LINGO2: variants seen among roughly 807,000 people sequenced by gnomAD.
LINGO2 encodes the protein leucine rich repeat and Ig domain containing 2.
A neutral mutation model predicts 30.6 loss-of-function variants in LINGO2; 14 were observed. The ratio of observed to expected loss-of-function variants is 0.46; its 90% CI spans 0.30 to 0.72. The LOEUF (loss-of-function observed/expected upper bound fraction) is 0.72, where lower values mean the gene tolerates loss of function less well. Ranked by LOEUF, LINGO2 falls within the 30% of genes least tolerant of loss-of-function variation. The probability of loss-of-function intolerance (pLI) is 0.07; values close to 1 mark genes in which losing one functional copy is unlikely to be tolerated. For synonymous variants in LINGO2, 317 were observed against 288.5 expected, an observed-to-expected ratio of 1.10 and a Z score of -1.00; for missense variants, 729 against 751.7, an observed-to-expected ratio of 0.97 and a Z score of 0.35.
At chr9:28,623,673 T>C (rs10968685) in intron 1 of LINGO2, among the ~76,000 whole-genome samples, 34,731 of 151,986 alleles carry the variant, frequency 0.23, 4,669 homozygotes, top group African/African-American at 0.36. Context: ...GCTTTGGCTA[T>C]TCTGGGTCTT....
the LINGO2 span, among the ~76,000 whole-genome samples, chr9:29,133,143 C>T: frequency 6.6e-6 from 1 of 152,260 alleles, no homozygotes; most frequent in East Asian, 1.9e-4. Flanking sequence ...TTTCTCAAAA[C>T]ACTGATAAGT....
chr9:28,289,201 C>G (rs1384578641), intron 4 of LINGO2, among the ~76,000 whole-genome samples: 1 of 152,120 alleles, frequency 6.6e-6, no homozygotes, highest in Non-Finnish European at 1.5e-5. Flanking sequence ...ATTCATACAA[C>G]AGAGAACAAA....
chr9:28,035,385 T>C (rs1823880603), intron 4 of LINGO2, among the ~76,000 whole-genome samples: 1 of 152,246 alleles, frequency 6.6e-6, no homozygotes, highest in African/African-American at 2.4e-5. Flanking sequence ...AATTCAATAA[T>C]TTCAAGGGCA....
the LINGO2 span, among the ~76,000 whole-genome samples, chr9:28,982,643 A>T: frequency 6.6e-6 from 1 of 152,076 alleles, no homozygotes; most frequent in African/African-American, 2.4e-5. Flanking sequence ...AATTTTTCTA[A>T]AGCTTTCACA....
At chr9:28,332,535 T>G (rs1825459231) in intron 3 of LINGO2, among the ~76,000 whole-genome samples, 1 of 151,924 alleles carries the variant, frequency 6.6e-6, no homozygotes, top group Non-Finnish European at 1.5e-5. Flanking sequence ...AGGGTGGTAC[T>G]ATCTATTCTT....
chr9:28,589,673 C>T (rs574419806), intron 1 of LINGO2, among the ~76,000 whole-genome samples: 66 of 152,092 alleles, frequency 4.3e-4, no homozygotes, highest in Middle Eastern at 3.4e-3. Flanking sequence ...AATGGAAGAA[C>T]ATTCCATGCT....
At chr9:28,692,389 C>T in the LINGO2 span, among the ~76,000 whole-genome samples, 4 of 152,006 alleles carry the variant, frequency 2.6e-5, no homozygotes, top group African/African-American at 4.8e-5. Context: ...GCAGGAGAGT[C>T]GCTTGAACCC....
chr9:28,619,143 G>A (rs1826278833), intron 1 of LINGO2, among the ~76,000 whole-genome samples: 1 of 152,012 alleles, frequency 6.6e-6, no homozygotes, highest in Admixed American at 6.6e-5. Context: ...AAATATAGGG[G>A]TTTTATATGG....
At chr9:28,874,625 T>C in the LINGO2 span, among the ~76,000 whole-genome samples, 69 of 152,122 alleles carry the variant, frequency 4.5e-4, 1 homozygote, top group Non-Finnish European at 1.2e-4. Context: ...TCTTCAGTGG[T>C]GGAACCAGGC....
At position 28,331,281 on chromosome 9, in the gene LINGO2, A is replaced by G. The variant is rs558210639; in HGVS notation, c.-245-35915T>C. Among the ~76,000 whole-genome samples, 6 of 152,216 alleles carry G rather than the reference A, an allele frequency of 3.9e-5. No homozygotes were observed. The East Asian group carries it at 1.2e-3, about 29-fold the overall frequency. On this transcript the variant is annotated intron_variant, in intron 3 of 5. Transcript: ENST00000379992. ...GAAGCAAACAACTTCTATATTTTAT[A>G]TGCAAGAAGAAAAGAACAAAAACCA... is the stretch of plus-strand genomic sequence containing the variant.
intron 1 of LINGO2, among the ~76,000 whole-genome samples, chr9:28,555,551 C>T (rs1345822518): frequency 8.5e-5 from 13 of 152,054 alleles, no homozygotes; most frequent in South Asian, 8.3e-4. Context: ...GATTCACAGC[C>T]GACTTCTACC....
chr9:29,037,531 A>G, the LINGO2 span, among the ~76,000 whole-genome samples: 3 of 151,972 alleles, frequency 2.0e-5, no homozygotes, highest in East Asian at 1.9e-4. Context: ...GCGATGCCAC[A>G]CTTCATATAC....
At chr9:28,436,419 AGAATT>A (rs1262950665) in intron 2 of LINGO2, among the ~76,000 whole-genome samples, 6 of 141,066 alleles carry the variant, frequency 4.3e-5, no homozygotes, top group African/African-American at 1.3e-4. Flanking sequence ...AATAAGGAAG[AGAATT>A]TATTTATTTA....
the LINGO2 span, among the ~76,000 whole-genome samples, chr9:28,856,274 C>T: frequency 1.6e-4 from 24 of 152,046 alleles, no homozygotes; most frequent in African/African-American, 5.8e-4. Context: ...TTTCATAATA[C>T]GTATCGAGCA....
At chr9:28,613,937 G>T (rs1167999736) in intron 1 of LINGO2, among the ~76,000 whole-genome samples, 1 of 151,872 alleles carries the variant, frequency 6.6e-6, no homozygotes, top group Non-Finnish European at 1.5e-5. Context: ...ATTCCATATC[G>T]TTTTTCATAT....
intron 3 of LINGO2, among the ~76,000 whole-genome samples, chr9:28,359,199 G>T (rs996009392): frequency 2.6e-5 from 4 of 152,070 alleles, no homozygotes; most frequent in Non-Finnish European, 4.4e-5. Context: ...GCAATGTAGG[G>T]GAGAACTGAG....
chr9:28,051,331 CT>C (rs1382978029), intron 4 of LINGO2, among the ~76,000 whole-genome samples: 1 of 152,026 alleles, frequency 6.6e-6, no homozygotes, highest in Non-Finnish European at 1.5e-5. Context: ...AGAAAAGTTT[CT>C]TTCCAAAAAT....
At chr9:28,695,762 AAG>A in the LINGO2 span, among the ~76,000 whole-genome samples, 1 of 151,606 alleles carries the variant, frequency 6.6e-6, no homozygotes, top group East Asian at 1.9e-4. Flanking sequence ...AAAAAAAAAA[AAG>A]AAGAATGAGA....
rs1258039332 is a variant in LINGO2, at chr9:28,329,097, T to C, written c.-245-33731A>G. On this transcript the variant is annotated intron_variant, in intron 3 of 5. Coordinates refer to ENST00000379992, the Ensembl canonical transcript of LINGO2. The surrounding 1 kb of genome is among the most constrained non-coding windows in gnomAD (Gnocchi z 4.5). Reference sequence around the variant, plus strand: ...AGTATTTCTTGGTGTGTTGCTCATGTTCATAAATATTTTTGCATATTCCTT... The same window carrying C: ...AGTATTTCTTGGTGTGTTGCTCATGCTCATAAATATTTTTGCATATTCCTT... 6.6e-6 allele frequency among the ~76,000 whole-genome samples: 1 copy of C among 152,140 alleles called. No individual in the cohort carries two copies.
Sources: gnomAD v4.1 joint callset for allele counts (sites outside exome capture counted in the v4.1 genomes callset) on GRCh38, gnomAD v4.1.1 for gene constraint, Gnocchi (gnomAD v3.1) non-coding constraint, MANE v1.5 for transcripts, NCBI Gene and HGNC (gene_info 2026-07-23, HGNC 2026-07-21) for gene names.